The following SCTR variants were observed in gnomAD, a reference collection of about 807,000 sequenced individuals.
The protein encoded by SCTR is pancreatic secretin receptor.
A neutral mutation model predicts 60.8 loss-of-function variants in SCTR; 56 were observed. That is an observed-to-expected ratio of 0.92 (90% CI 0.74 to 1.15). The LOEUF (loss-of-function observed/expected upper bound fraction) is 1.15. Among genes scored for constraint, SCTR ranks in the 50% most tolerant of loss-of-function variants. The pLI, the probability that SCTR is intolerant of heterozygous loss-of-function variation, is 0.00. For missense variants in SCTR, 562 were observed against 550.4 expected (o/e 1.02, Z -0.21); for synonymous variants, 202 against 217.0 (o/e 0.93, Z 0.61).
intron 6 of SCTR, 116 bp downstream of exon 6, chr2:119,464,007 A>T: frequency 9.2e-7 from 1 of 1,085,956 alleles, no homozygotes; most frequent in Non-Finnish European, 1.4e-6. Flanking sequence ...CCTTGGTATT[A>T]AGTGCAGCCT....
intron 1 of SCTR, among the ~76,000 whole-genome samples, chr2:119,498,800 A>T (rs1014641278): frequency 6.6e-6 from 1 of 152,078 alleles, no homozygotes; most frequent in African/African-American, 2.4e-5. Context: ...AAGAAGGCAG[A>T]GAAAAGTAAA....
chr2:119,441,802 T>C, intron 11 of SCTR: 1 of 567,504 alleles, frequency 1.8e-6, no homozygotes, highest in Non-Finnish European at 3.2e-6. Flanking sequence ...CAGCATAAAC[T>C]GTGAACTCCT....
intron 1 of SCTR, among the ~76,000 whole-genome samples, chr2:119,504,080 A>G (rs1678650449): frequency 6.6e-6 from 1 of 152,216 alleles, no homozygotes; most frequent in Admixed American, 6.5e-5. Context: ...AGATCAATGG[A>G]CACAATAGAA....
chr2:119,506,334 C>T (rs1314118171), intron 1 of SCTR, among the ~76,000 whole-genome samples: 1 of 152,098 alleles, frequency 6.6e-6, no homozygotes, highest in African/African-American at 2.4e-5. Flanking sequence ...ATAAAAAGAG[C>T]AAACTATTGA....
At chr2:119,465,570 G>A (rs758311762) in intron 5 of SCTR, among the ~76,000 whole-genome samples, 1 of 152,114 alleles carries the variant, frequency 6.6e-6, no homozygotes, top group Non-Finnish European at 1.5e-5. Context: ...TAAAGCGACC[G>A]GCCGCAAGTT....
chr2:119,475,520 G>A (rs552269485), intron 3 of SCTR, among the ~76,000 whole-genome samples: 120 of 151,658 alleles, frequency 7.9e-4, no homozygotes, highest in African/African-American at 2.8e-3. Flanking sequence ...ACTTCCCCAG[G>A]GCTGAATTCC....
chr2:119,464,229 A>G lies in SCTR; in HGVS notation c.530T>C (p.Ile177Thr). 1.2e-6 allele frequency: 2 copies of G among 1,614,188 alleles called. No individual in the cohort carries two copies. The highest frequency in any genetic ancestry group is 1.7e-6 in the Non-Finnish European group (2 of 1,180,022). The change falls in exon 6 of 13, where the codon ATC becomes ACC. Residue 177 changes from isoleucine to threonine, a missense_variant. Ile to Thr is a moderately conservative substitution (Grantham distance 89). Transcript: ENST00000019103. Reference protein sequence around the residue: ...FRRLHCTRNYIHMHLFVSFIL... With the variant: ...FRRLHCTRNYTHMHLFVSFIL... ...GAAGGACACGAACAGGTGCATGTGG[A>G]TGTAGTTGCGAGTGCAGTGGAGCCT...
intron 1 of SCTR, among the ~76,000 whole-genome samples, chr2:119,498,468 G>A (rs1008192331): frequency 2.0e-5 from 3 of 152,100 alleles, no homozygotes; most frequent in Non-Finnish European, 4.4e-5. Flanking sequence ...AAATGCGATA[G>A]GTTTTCCTTC....
chr2:119,520,206 T>C (rs531569188), intron 1 of SCTR, among the ~76,000 whole-genome samples: 1 of 152,250 alleles, frequency 6.6e-6, no homozygotes, highest in African/African-American at 2.4e-5. Context: ...AAGTCATCAA[T>C]AATCAGCTCC....
intron 2 of SCTR, among the ~76,000 whole-genome samples, chr2:119,491,328 A>G (rs56135002): frequency 8.5e-5 from 13 of 152,262 alleles, no homozygotes; most frequent in Non-Finnish European, 1.3e-4. Flanking sequence ...ATCCTGCAGC[A>G]GGATCCCTCA....
intron 9 of SCTR, among the ~76,000 whole-genome samples, chr2:119,449,074 G>A (rs894328987): frequency 1.3e-5 from 2 of 152,332 alleles, no homozygotes; most frequent in African/African-American, 2.4e-5. Flanking sequence ...GGAAGCCCCC[G>A]GGGATATTGT....
At chr2:119,471,419 T>A (rs1573848017) in intron 4 of SCTR, among the ~76,000 whole-genome samples, 1 of 152,134 alleles carries the variant, frequency 6.6e-6, no homozygotes, top group East Asian at 1.9e-4. Flanking sequence ...TATTAAATCA[T>A]CCCACTCTGA....
intron 1 of SCTR, among the ~76,000 whole-genome samples, chr2:119,502,389 T>G (rs1678582615): frequency 1.3e-5 from 2 of 152,166 alleles, no homozygotes; most frequent in South Asian, 4.1e-4. Context: ...TCTAAATAAA[T>G]GAAGAGACAT....
In SCTR at chr2:119,473,565, G is replaced by T. The variant is rs763061793; in HGVS notation, c.302-9C>A. 1.9e-6 allele frequency: 3 copies of T among 1,593,196 alleles called. No homozygotes were observed. The highest frequency in any genetic ancestry group is 2.6e-6 in the Non-Finnish European group (3 of 1,161,024). On this transcript the variant is annotated splice_polypyrimidine_tract_variant and intron_variant, in intron 3 of 12. Coordinates refer to ENST00000019103, the MANE Select transcript of SCTR (RefSeq NM_002980.3). ...GTTTCGGAACAAGGAACCTGTGGGT[G>T]CCAAGAGTCCTGTAGGTGAGCCATG...
At chr2:119,460,092 G>A (rs546521386) in intron 7 of SCTR, among the ~76,000 whole-genome samples, 25 of 152,030 alleles carry the variant, frequency 1.6e-4, no homozygotes, top group African/African-American at 6.0e-4. Flanking sequence ...GGCTCAGCAA[G>A]CAGGAGGGCT....
intron 1 of SCTR, among the ~76,000 whole-genome samples, chr2:119,505,580 A>G (rs921633214): frequency 2.0e-5 from 3 of 151,940 alleles, no homozygotes; most frequent in African/African-American, 7.2e-5. Flanking sequence ...GCTGGAAACC[A>G]TCGTTCTCAG....
Position 119,446,840 on chromosome 2 carries a change from G to A in SCTR, c.1059C>T (p.Ile353=). 6.3e-7 allele frequency: 1 copy of A among 1,581,804 alleles called. No homozygotes were observed. Among genetic ancestry groups the A allele is most frequent in the Non-Finnish European group, 8.6e-7 (1 of 1,163,204 alleles). Residue 353 remains isoleucine, a synonymous_variant, in exon 11 of 13, where the codon ATC becomes ATT. Coordinates refer to ENST00000019103, the MANE Select transcript of SCTR (RefSeq NM_002980.3). The part of the protein sequence containing the change: ...STLLLIPLFG[I]HYIVFAFSPE... ...GGGAGAAGGCGAAGACGATGTAGTG[G>A]ATGCCAAAGAGGGGGATCAGCAGGA...
intron 2 of SCTR, among the ~76,000 whole-genome samples, chr2:119,488,589 C>T (rs1359669939): frequency 1.3e-5 from 2 of 152,182 alleles, no homozygotes; most frequent in Non-Finnish European, 2.9e-5. Flanking sequence ...TGCAACTTCC[C>T]GGAGTAATGT....
intron 9 of SCTR, among the ~76,000 whole-genome samples, chr2:119,449,371 C>G (rs1178164500): frequency 6.6e-6 from 1 of 151,958 alleles, no homozygotes; most frequent in African/African-American, 2.4e-5. Flanking sequence ...CCTGATTCAC[C>G]GTATTTAGGG....
Sources: allele counts gnomAD v4.1 joint callset (sites outside exome capture counted in the v4.1 genomes callset), GRCh38; gene constraint gnomAD v4.1.1; transcripts MANE v1.5; gene names NCBI Gene and HGNC (gene_info 2026-07-23, HGNC 2026-07-21).